CRCP: variants seen among roughly 807,000 people sequenced by gnomAD.
CRCP encodes CGRP receptor component.
CRCP carries 18 observed loss-of-function variants against 18.5 expected under a neutral mutation model. The observed-to-expected ratio is 0.97, with a 90% CI of 0.67 to 1.44. The LOEUF is 1.44. CRCP is among the 40% of genes most tolerant of loss of function. CRCP has a pLI of 0.00. For synonymous variants in CRCP, 53 were observed against 62.9 expected (o/e 0.84, Z 0.75); for missense variants, 130 against 176.4 (o/e 0.74, Z 1.49).
At chr7:66,132,985 G>A (rs1238884575) in intron 3 of CRCP, among the ~76,000 whole-genome samples, 3 of 152,166 alleles carry the variant, frequency 2.0e-5, no homozygotes, top group East Asian at 3.9e-4. Context: ...GAAGCGGGGC[G>A]GGGGGATTAA....
intron 1 of CRCP, among the ~76,000 whole-genome samples, chr7:66,120,108 C>T (rs930222456): frequency 1.6e-4 from 25 of 151,816 alleles, no homozygotes; most frequent in Non-Finnish European, 3.1e-4. Context: ...GGCGTGAACC[C>T]GGGAGGTGGA....
At chr7:66,120,311 A>T (rs1464415485) in intron 1 of CRCP, among the ~76,000 whole-genome samples, 1 of 152,240 alleles carries the variant, frequency 6.6e-6, no homozygotes, top group Non-Finnish European at 1.5e-5. Flanking sequence ...ATTAGCTAGC[A>T]TCCTAGTTGC....
intron 1 of CRCP, among the ~76,000 whole-genome samples, chr7:66,124,137 G>T (rs1210451973): frequency 9.5e-5 from 14 of 147,030 alleles, no homozygotes; most frequent in African/African-American, 3.5e-4. Context: ...CGAGGCGGGC[G>T]GATCACGAGG....
chr7:66,129,987 T>G (rs1276035154), intron 2 of CRCP: 10 of 248,852 alleles, frequency 4.0e-5, no homozygotes, highest in Non-Finnish European at 7.1e-5. Context: ...TCCATAGCAT[T>G]TTTTCCTTTC....
In CRCP at chr7:66,152,431, GT is replaced by G. The variant is rs765989328; in HGVS notation, c.*77del. On this transcript the variant is annotated 3_prime_UTR_variant, in exon 6 of 6. Coordinates refer to ENST00000395326, the MANE Select transcript of CRCP (RefSeq NM_014478.5). ...CCATTTCCTGGACGTTGAGAGGATT[GT>G]TTATTTGATTTTTATCCTCATCCCA... is the stretch of plus-strand genomic sequence containing the variant. The G allele has an allele frequency of 4.3e-5, 66 of 1,538,896 alleles. No individual in the cohort carries two copies. Among genetic ancestry groups the G allele is most frequent in the Non-Finnish European group, 5.5e-5 (62 of 1,128,270 alleles).
Position 66,152,343 on chromosome 7 carries a change from G to C in CRCP, c.433G>C (p.Glu145Gln), listed in dbSNP as rs542449271. ...NTNSNVAMDE[E>Q]DPA Reference sequence around the variant, plus strand: ...AAACAGCAATGTGGCAATGGACGAAGAGGACCCAGCATAGAAGAGCACAGC... The same window carrying C: ...AAACAGCAATGTGGCAATGGACGAACAGGACCCAGCATAGAAGAGCACAGC... The change falls in exon 6 of 6, where the codon GAG becomes CAG. Residue 145 changes from glutamate (E) to glutamine (Q), a missense_variant. Coordinates refer to ENST00000395326, the MANE Select transcript of CRCP (RefSeq NM_014478.5). The C allele has an allele frequency of 9.3e-6, 15 of 1,614,086 alleles. No individual in the cohort carries two copies. In the African/African-American group the frequency reaches 2.0e-4, roughly 22 times the overall value.
At position 66,114,938 on chromosome 7, in the gene CRCP, G is replaced by A. The variant is rs201088548; in HGVS notation, c.-25G>A. ...GTGTGAGGTTCTTTGTCTGCTGGCA[G>A]CTAGGGGCGACGAGGCGGGACGTCA... On this transcript the variant is annotated 5_prime_UTR_variant, in exon 1 of 6. Transcript: ENST00000395326. The A allele has an allele frequency of 4.5e-5, 73 of 1,611,890 alleles. No homozygotes were observed. The highest frequency in any genetic ancestry group is 5.9e-5 in the Non-Finnish European group (70 of 1,178,408).
chr7:66,115,023 CGCTGAGA>C lies in CRCP; in HGVS notation c.8+63_8+69del, dbSNP rs1393787104. The C allele has an allele frequency of 7.6e-5, 121 of 1,589,288 alleles. 1 individual carries two copies. Among genetic ancestry groups the C allele is most frequent in the Middle Eastern group, 1.8e-4 (1 of 5,640 alleles). ...CGCCCGAGGAGCCCAACGGTTTGAC[CGCTGAGA>C]GCTGAGAGCCGAGAGCCGTGGGGAC... On this transcript the variant is annotated intron_variant, in intron 1 of 5. Transcript: ENST00000395326.
chr7:66,125,720 C>T (rs929963339), intron 1 of CRCP, among the ~76,000 whole-genome samples: 1 of 149,182 alleles, frequency 6.7e-6, no homozygotes, highest in Non-Finnish European at 1.5e-5. Flanking sequence ...TTTCCCACGA[C>T]GTGGAATATT....
At chr7:66,143,294 C>G (rs1360646968) in intron 4 of CRCP, among the ~76,000 whole-genome samples, 1 of 152,216 alleles carries the variant, frequency 6.6e-6, no homozygotes, top group Non-Finnish European at 1.5e-5. Flanking sequence ...GCTGCCAGCA[C>G]CAGCCAGAGC....
intron 4 of CRCP, among the ~76,000 whole-genome samples, chr7:66,136,104 ATCT>A (rs1787964251): frequency 6.6e-6 from 1 of 152,176 alleles, no homozygotes; most frequent in African/African-American, 2.4e-5. Flanking sequence ...TGGCTTGATC[ATCT>A]TCTGTGAGTT....
chr7:66,145,059 G>A (rs145884826), intron 4 of CRCP, among the ~76,000 whole-genome samples: 10 of 152,250 alleles, frequency 6.6e-5, no homozygotes, highest in South Asian at 2.1e-4. Context: ...GGGAGGCTGA[G>A]GCAGAAGAAT....
intron 4 of CRCP, among the ~76,000 whole-genome samples, chr7:66,136,430 A>G (rs916056479): frequency 6.6e-6 from 1 of 152,088 alleles, no homozygotes; most frequent in Non-Finnish European, 1.5e-5. Context: ...TGGTTTCTCC[A>G]TGTTGATCAG....
At chr7:66,151,661 C>T (rs13223921) in intron 5 of CRCP, among the ~76,000 whole-genome samples, 2 of 131,616 alleles carry the variant, frequency 1.5e-5, no homozygotes, top group Non-Finnish European at 3.1e-5. Flanking sequence ...GCAACCTGTT[C>T]ACCACTTCTC....
chr7:66,142,775 A>G (rs1306985140), intron 4 of CRCP, among the ~76,000 whole-genome samples: 1 of 152,144 alleles, frequency 6.6e-6, no homozygotes, highest in African/African-American at 2.4e-5. Flanking sequence ...GGGATTACAG[A>G]TGTGAGCCAC....
rs552250941 is a variant in CRCP at position 66,118,098 on chromosome 7, C to T, written c.8+3128C>T. Among the ~76,000 whole-genome samples, 325 of 152,342 alleles carry T rather than the reference C, an allele frequency of 2.1e-3. 2 individuals carry two copies. Among genetic ancestry groups the T allele is most frequent in the African/African-American group, 7.6e-3 (318 of 41,582 alleles). Reference sequence around the variant, plus strand: ...GGGTTCAAGATTCTCCTGCCTCAGCCTACCAAGTAGCTGGGATTACAGGCG... The same window carrying T: ...GGGTTCAAGATTCTCCTGCCTCAGCTTACCAAGTAGCTGGGATTACAGGCG... On this transcript the variant is annotated intron_variant, in intron 1 of 5. Transcript: ENST00000395326.
rs924987117 is a variant in CRCP, at chr7:66,129,917, C to A, written c.46-827C>A. ...AACAGGAATGAGACTAAGATTCCCC[C>A]CTGCCCCCAGCACTAATACATGTAT... On this transcript the variant is annotated intron_variant, in intron 2 of 5. Transcript: ENST00000395326. 2.6e-5 allele frequency among the ~76,000 whole-genome samples: 4 copies of A among 152,154 alleles called. No individual in the cohort carries two copies. The South Asian group carries it at 6.2e-4, about 24-fold the overall frequency.
intron 5 of CRCP, among the ~76,000 whole-genome samples, chr7:66,150,053 A>G (rs575059452): frequency 6.1e-4 from 92 of 151,622 alleles, no homozygotes; most frequent in Non-Finnish European, 4.4e-5. Context: ...TGATCCGCCC[A>G]CCTCAGCCTC....
intron 4 of CRCP, among the ~76,000 whole-genome samples, chr7:66,136,054 A>G (rs1787963320): frequency 6.6e-6 from 1 of 152,224 alleles, no homozygotes; most frequent in East Asian, 1.9e-4. Flanking sequence ...AAAGTTGATC[A>G]GTGAAGTCTT....
Sources: gnomAD v4.1 joint callset for allele counts (sites outside exome capture counted in the v4.1 genomes callset) on GRCh38, gnomAD v4.1.1 for gene constraint, MANE v1.5 for transcripts, NCBI Gene and HGNC (gene_info 2026-07-23, HGNC 2026-07-21) for gene names.